CYP3A43: variants seen among roughly 807,000 people sequenced by gnomAD.
CYP3A43 encodes the protein cytochrome P450 3A43.
Under a neutral mutation model 58.0 loss-of-function variants are expected in CYP3A43, and 45 were observed. The observed-to-expected ratio is 0.78, with a 90% CI of 0.61 to 0.99. CYP3A43 has a LOEUF of 0.99. Ranked by LOEUF, CYP3A43 falls within the 50% of genes least tolerant of loss-of-function variation. The probability of loss-of-function intolerance (pLI) is 0.00; values close to 1 mark genes in which losing one functional copy is unlikely to be tolerated. For missense variants in CYP3A43, 593 were observed against 591.9 expected (o/e 1.00, Z -0.02); for synonymous variants, 191 against 201.4 (o/e 0.95, Z 0.44).
chr7:99,858,129 A>C (rs1458867446), intron 9 of CYP3A43, among the ~76,000 whole-genome samples: 2 of 152,168 alleles, frequency 1.3e-5, no homozygotes, highest in Non-Finnish European at 2.9e-5. Flanking sequence ...AATTAAATTT[A>C]AGTAGCCACC....
chr7:99,857,376 A>G (rs1488871000), intron 9 of CYP3A43, among the ~76,000 whole-genome samples: 23 of 152,128 alleles, frequency 1.5e-4, no homozygotes, highest in Admixed American at 1.5e-3. Flanking sequence ...AGACTGTGTA[A>G]TGTCCTTTTC....
chr7:99,832,768 C>T (rs538240205), intron 1 of CYP3A43, among the ~76,000 whole-genome samples: 3 of 152,118 alleles, frequency 2.0e-5, no homozygotes, highest in Non-Finnish European at 2.9e-5. Flanking sequence ...CTGTCTTTCT[C>T]TCTCTCCTGC....
intron 3 of CYP3A43, chr7:99,839,466 C>G: frequency 3.4e-6 from 2 of 590,334 alleles, no homozygotes; most frequent in Non-Finnish European, 6.3e-6. Flanking sequence ...TTAAGTCATA[C>G]CTTACTGCCT....
intron 9 of CYP3A43, among the ~76,000 whole-genome samples, chr7:99,859,450 G>C (rs927540379): frequency 3.3e-5 from 5 of 152,090 alleles, no homozygotes; most frequent in African/African-American, 1.2e-4. Context: ...ATCTTCCCTG[G>C]GGAGAATGTT....
intron 10 of CYP3A43, 135 bp downstream of exon 10, chr7:99,860,125 T>A: frequency 8.9e-7 from 1 of 1,121,930 alleles, no homozygotes; most frequent in Non-Finnish European, 1.2e-6. Context: ...AGAAAGGCTG[T>A]AAAGAGTAAA....
rs760377549 is a variant in CYP3A43 at position 99,848,245 on chromosome 7, A to C, written c.512A>C (p.Asn171Thr). The C allele has an allele frequency of 4.3e-6, 7 of 1,613,970 alleles. No homozygotes were observed. The highest frequency in any genetic ancestry group is 5.9e-6 in the Non-Finnish European group (7 of 1,179,996). Residue 171 changes from asparagine (N) to threonine (T), a missense_variant, in exon 6 of 13, where the codon AAC becomes ACC. Asn to Thr is a moderately conservative substitution (Grantham distance 65). Coordinates refer to ENST00000354829, the MANE Select transcript of CYP3A43 (RefSeq NM_057095.3). Reference protein sequence around the residue: ...RQEAENSKSINLKDFFGAYTM... With the variant: ...RQEAENSKSITLKDFFGAYTM... ...GAAGCAGAGAACAGCAAGTCCATCA[A>C]CTTGAAAGAGTAAGTAGCACAGTCT...
At chr7:99,863,079 G>A (rs1422775714) in intron 11 of CYP3A43, among the ~76,000 whole-genome samples, 1 of 152,152 alleles carries the variant, frequency 6.6e-6, no homozygotes, top group Non-Finnish European at 1.5e-5. Flanking sequence ...ATATTCTATA[G>A]ACACCAGGCT....
At chr7:99,829,138 C>T (rs1475312280) in intron 1 of CYP3A43, among the ~76,000 whole-genome samples, 1 of 152,188 alleles carries the variant, frequency 6.6e-6, no homozygotes, top group East Asian at 1.9e-4. Context: ...AGCACATATG[C>T]ATGTAAAATT....
chr7:99,851,623 G>A (rs1817764975), intron 7 of CYP3A43, among the ~76,000 whole-genome samples: 1 of 152,114 alleles, frequency 6.6e-6, no homozygotes, highest in African/African-American at 2.4e-5. Flanking sequence ...ATATACAGCT[G>A]AATTCTTTTT....
intron 1 of CYP3A43, 62 bp from the exon 2 acceptor site, chr7:99,836,390 TG>T: frequency 7.2e-7 from 1 of 1,381,810 alleles, no homozygotes; most frequent in Non-Finnish European, 1.0e-6. Flanking sequence ...AGGTAATGTC[TG>T]GCCAACCCCT....
intron 7 of CYP3A43, 119 bp downstream of exon 7, chr7:99,849,813 C>A: frequency 9.3e-7 from 1 of 1,079,090 alleles, no homozygotes; most frequent in Non-Finnish European, 1.3e-6. Context: ...ATGTATAATT[C>A]AATGGTTTTT....
intron 4 of CYP3A43, among the ~76,000 whole-genome samples, chr7:99,845,061 C>T (rs1412794184): frequency 7.5e-6 from 1 of 133,116 alleles, no homozygotes; most frequent in Admixed American, 7.2e-5. Context: ...GAGCAAGACT[C>T]AGTCTCAAAA....
intron 1 of CYP3A43, among the ~76,000 whole-genome samples, chr7:99,832,144 C>T: frequency 6.6e-6 from 1 of 152,034 alleles, no homozygotes; most frequent in East Asian, 1.9e-4. Context: ...AAAGCATAAA[C>T]ACCTCTGAGA....
chr7:99,860,194 AAC>A (rs936959405), intron 10 of CYP3A43, among the ~76,000 whole-genome samples: 4 of 152,232 alleles, frequency 2.6e-5, no homozygotes, highest in African/African-American at 9.6e-5. Flanking sequence ...ATCTTTGTGA[AAC>A]AGTGCTGGTC....
chr7:99,855,542 A>G (rs745858582), intron 7 of CYP3A43, 49 bp from the exon 8 acceptor site: 1 of 1,559,416 alleles, frequency 6.4e-7, no homozygotes, highest in South Asian at 1.2e-5. Flanking sequence ...TAAATTTCAC[A>G]TTTTTCACTA....
chr7:99,848,403 G>A, intron 6 of CYP3A43, 149 bp downstream of exon 6: 1 of 741,716 alleles, frequency 1.3e-6, no homozygotes, highest in East Asian at 2.7e-5. Flanking sequence ...CCAAGATGGT[G>A]TTGCTCACAA....
chr7:99,828,264 T>C, intron 1 of CYP3A43, 78 bp downstream of exon 1: 1 of 1,216,316 alleles, frequency 8.2e-7, no homozygotes, highest in Non-Finnish European at 1.1e-6. Flanking sequence ...TTCTTATTTG[T>C]TTTGAAGATA....
At chr7:99,853,712 A>G (rs1464074115) in intron 7 of CYP3A43, among the ~76,000 whole-genome samples, 1 of 152,160 alleles carries the variant, frequency 6.6e-6, no homozygotes, top group Non-Finnish European at 1.5e-5. Flanking sequence ...ATGCAATACT[A>G]TGCCCGGCTA....
intron 2 of CYP3A43, 27 bp downstream of exon 2, chr7:99,836,573 TG>T (rs1169876325): frequency 6.6e-7 from 1 of 1,525,684 alleles, no homozygotes; most frequent in East Asian, 2.3e-5. Context: ...CTCCCTCTTT[TG>T]CTTCTTATCG....
Sources: allele counts gnomAD v4.1 joint callset (sites outside exome capture counted in the v4.1 genomes callset), GRCh38; gene constraint gnomAD v4.1.1; transcripts MANE v1.5; gene names NCBI Gene and HGNC (gene_info 2026-07-23, HGNC 2026-07-21).